TCF24: variants seen among roughly 807,000 people sequenced by gnomAD.
TCF24 encodes the protein transcription factor 24.
TCF24 carries 5 observed loss-of-function variants against 9.3 expected under a neutral mutation model. That is an observed-to-expected ratio of 0.54 (90% confidence interval 0.28 to 1.13). TCF24 has a LOEUF of 1.13. Among genes scored for constraint, TCF24 ranks in the 50% most tolerant of loss-of-function variants. The pLI is 0.09. For synonymous variants in TCF24, 110 were observed against 115.8 expected (o/e 0.95, Z 0.32); for missense variants, 220 against 236.1 (o/e 0.93, Z 0.45).
chr8:66,954,503 C>T (rs554055096), intron 3 of TCF24, among the ~76,000 whole-genome samples: 9 of 150,856 alleles, frequency 6.0e-5, no homozygotes, highest in South Asian at 2.1e-4. Context: ...TCAAAGCTGT[C>T]AGACAGGGAC....
intron 3 of TCF24, among the ~76,000 whole-genome samples, chr8:66,956,002 G>C (rs1430247630): frequency 6.6e-6 from 1 of 152,020 alleles, no homozygotes; most frequent in Non-Finnish European, 1.5e-5. Context: ...GTGTGATCAT[G>C]GCTCACTGCA....
At position 66,947,791 on chromosome 8, in the gene TCF24, T is replaced by C. The variant is rs75117131; in HGVS notation, c.*260A>G. 7,138 of 272,430 alleles carry C rather than the reference T, an allele frequency of 0.026. 240 individuals carry two copies. The highest frequency in any genetic ancestry group is 0.079 in the African/African-American group (3,628 of 45,808). 16.9% of individuals were successfully genotyped at this position (272,430 alleles called of 1,614,324 possible). A position where few individuals can be genotyped will look rare whatever the true frequency, so the allele number is the denominator to read the frequency against. On this transcript the variant is annotated 3_prime_UTR_variant, in exon 4 of 4. Transcript: ENST00000563496. Reference sequence around the variant, plus strand: ...ATTCTTTAGCTATATACACAATTGTTTGCTTTCATGTGACTTTTTTCTAAT... The same window carrying C: ...ATTCTTTAGCTATATACACAATTGTCTGCTTTCATGTGACTTTTTTCTAAT...
At chr8:66,959,220 T>C (rs537463979) in intron 3 of TCF24, among the ~76,000 whole-genome samples, 12 of 152,356 alleles carry the variant, frequency 7.9e-5, no homozygotes, top group African/African-American at 2.6e-4. Flanking sequence ...TAATAAGGAC[T>C]GATGATTCAA....
In TCF24 at chr8:66,947,946, A is replaced by C; in HGVS notation, c.*105T>G. 3 of 813,110 alleles carry C rather than the reference A, an allele frequency of 3.7e-6. No homozygotes were observed. The highest frequency in any genetic ancestry group is 2.2e-5 in the South Asian group (1 of 45,996). 50.4% of individuals were successfully genotyped at this position (813,110 alleles called of 1,614,324 possible). On this transcript the variant is annotated 3_prime_UTR_variant, in exon 4 of 4. Coordinates refer to ENST00000563496, the MANE Select transcript of TCF24 (RefSeq NM_001193502.2). ...AACATCCAACTATGGGTTCACATGT[A>C]AACTTTCAGAAATTTTGTTATGTCT...
At chr8:66,951,630 C>T (rs1240342747) in intron 3 of TCF24, among the ~76,000 whole-genome samples, 3 of 152,142 alleles carry the variant, frequency 2.0e-5, no homozygotes, top group African/African-American at 7.2e-5. Flanking sequence ...GGGAGGATTC[C>T]CTCTTTTTCT....
rs1813986724 is a variant in TCF24 at position 66,947,827 on chromosome 8, G to GCACTATATAGTAGTGACTCTCA, written c.*202_*223dup. 2.9e-6 allele frequency: 1 copy of GCACTATATAGTAGTGACTCTCA among 341,490 alleles called. No homozygotes were observed. The highest frequency in any genetic ancestry group is 2.1e-5 in the African/African-American group (1 of 47,546). The allele number at this position is 341,490 out of a possible 1,614,324, so 21.2% of individuals were successfully genotyped here. A position where few individuals can be genotyped will look rare whatever the true frequency, so the allele number is the denominator to read the frequency against. On this transcript the variant is annotated 3_prime_UTR_variant, in exon 4 of 4. Coordinates refer to ENST00000563496, the MANE Select transcript of TCF24 (RefSeq NM_001193502.2). ...TGACTTTTTTCTAATAATTTCTCTT[G>GCACTATATAGTAGTGACTCTCA]CACTATATAGTAGTGACTCTCACAC... is the stretch of plus-strand genomic sequence containing the variant.
At chr8:66,948,294 G>T in intron 3 of TCF24, 130 bp from the exon 4 acceptor site, 1 of 572,054 alleles carries the variant, frequency 1.7e-6, no homozygotes, top group Non-Finnish European at 2.8e-6. Flanking sequence ...ACAATTATAA[G>T]TATGAAGTAT....
At chr8:66,951,484 T>C (rs1300906056) in intron 3 of TCF24, among the ~76,000 whole-genome samples, 1 of 151,364 alleles carries the variant, frequency 6.6e-6, no homozygotes, top group Non-Finnish European at 1.5e-5. Flanking sequence ...TGCTGCTGGA[T>C]TCGTTTTGCC....
chr8:66,959,937 C>G (rs1417319571), intron 3 of TCF24, among the ~76,000 whole-genome samples: 3 of 151,994 alleles, frequency 2.0e-5, no homozygotes, highest in Admixed American at 2.0e-4. Context: ...ATTATTCATT[C>G]AAAAAAAGCA....
chr8:66,954,185 T>C (rs1690831240), intron 3 of TCF24, among the ~76,000 whole-genome samples: 1 of 152,220 alleles, frequency 6.6e-6, no homozygotes, highest in African/African-American at 2.4e-5. Context: ...CATTTTAGAG[T>C]TTCCAGTATT....
intron 3 of TCF24, among the ~76,000 whole-genome samples, chr8:66,954,674 C>G (rs1237080544): frequency 2.0e-5 from 3 of 152,158 alleles, no homozygotes; most frequent in Non-Finnish European, 4.4e-5. Flanking sequence ...TGGGCAATGG[C>G]GGGCGCCCCT....
chr8:66,952,679 A>C (rs970435534), intron 3 of TCF24, among the ~76,000 whole-genome samples: 1 of 147,888 alleles, frequency 6.8e-6, no homozygotes, highest in Non-Finnish European at 1.5e-5. Flanking sequence ...TGATCTGTCT[A>C]ATGTTGACAG....
In TCF24 at chr8:66,948,126, A is replaced by G. The variant is rs1303705867; in HGVS notation, c.429T>C (p.Thr143=). The change falls in exon 4 of 4, where the codon ACT becomes ACC. Residue 143 remains threonine, a synonymous_variant. Coordinates refer to ENST00000563496, the MANE Select transcript of TCF24 (RefSeq NM_001193502.2). ...PMRSRLYIGA[T]GQFLKHSVSG... ...AAACAGAATGCTTCAGAAACTGACC[A>G]GTAGCACCGATGTACAATCTTGATC... 3.9e-6 allele frequency: 6 copies of G among 1,535,098 alleles called. No individual in the cohort carries two copies. The South Asian group carries it at 4.8e-5, about 12-fold the overall frequency.
rs1232612366 is a variant in TCF24, at chr8:66,962,406, A to C, written c.-212T>G. On this transcript the variant is annotated 5_prime_UTR_variant, in exon 1 of 4. Transcript: ENST00000563496. ...GGCGTGGAGCAGGGCCTGTGTGGCC[A>C]GGGCCGCGCTGGTCACTCCATCCTC... 6.6e-6 allele frequency: 1 copy of C among 152,372 alleles called. No homozygotes were observed. The highest frequency in any genetic ancestry group is 1.9e-4 in the East Asian group (1 of 5,176). 9.4% of individuals were successfully genotyped at this position (152,372 alleles called of 1,614,324 possible). A position where few individuals can be genotyped will look rare whatever the true frequency, so the allele number is the denominator to read the frequency against.
At chr8:66,961,170 T>G (rs978353700) in intron 3 of TCF24, among the ~76,000 whole-genome samples, 1 of 152,194 alleles carries the variant, frequency 6.6e-6, no homozygotes, top group African/African-American at 2.4e-5. Context: ...TAAACGCCTC[T>G]CCAGCCACCT....
intron 3 of TCF24, among the ~76,000 whole-genome samples, chr8:66,953,455 C>T (rs1443655192): frequency 3.3e-5 from 5 of 152,104 alleles, no homozygotes; most frequent in South Asian, 2.1e-4. Context: ...AGGTTTCTGC[C>T]GAGAGATCCG....
At chr8:66,957,224 C>G (rs186041432) in intron 3 of TCF24, among the ~76,000 whole-genome samples, 1 of 151,378 alleles carries the variant, frequency 6.6e-6, no homozygotes, top group African/African-American at 2.4e-5. Context: ...TAAGACCAGC[C>G]TGGCCAGCAC....
At chr8:66,959,500 C>T (rs1417312587) in intron 3 of TCF24, among the ~76,000 whole-genome samples, 1 of 152,208 alleles carries the variant, frequency 6.6e-6, no homozygotes, top group Admixed American at 6.5e-5. Context: ...ATGTACATAA[C>T]ATCTCTTTCC....
chr8:66,961,235 G>T (rs111719631), intron 3 of TCF24, 141 bp downstream of exon 3: 1 of 1,182,248 alleles, frequency 8.5e-7, no homozygotes, highest in Non-Finnish European at 1.1e-6. Flanking sequence ...CAGTACCCTC[G>T]CGGGCCGAGG....
Sources: allele counts gnomAD v4.1 joint callset (sites outside exome capture counted in the v4.1 genomes callset), GRCh38; gene constraint gnomAD v4.1.1; transcripts MANE v1.5; gene names NCBI Gene and HGNC (gene_info 2026-07-23, HGNC 2026-07-21).